ROBO1: variants seen among roughly 807,000 people sequenced by gnomAD.
ROBO1 encodes roundabout homolog 1.
ROBO1 carries 149 observed loss-of-function variants against 195.9 expected under a neutral mutation model. The ratio of observed to expected loss-of-function variants is 0.76; its 90% CI spans 0.67 to 0.87. The LOEUF is 0.87. Among genes scored for constraint, ROBO1 ranks in the 40% least tolerant of loss-of-function variants. The probability of loss-of-function intolerance (pLI) is 0.00; values close to 1 mark genes in which losing one functional copy is unlikely to be tolerated. For missense variants in ROBO1, 1,933 were observed against 2,068.3 expected, an observed-to-expected ratio of 0.93 and a Z score of 1.27; for synonymous variants, 816 against 733.2, an observed-to-expected ratio of 1.11 and a Z score of -1.82.
intron 2 of ROBO1, among the ~76,000 whole-genome samples, chr3:79,302,363 C>T (rs1553716112): frequency 6.6e-6 from 1 of 152,180 alleles, no homozygotes; most frequent in Non-Finnish European, 1.5e-5. Flanking sequence ...TTGGAAATAT[C>T]AGACTATAAC....
chr3:79,012,089 T>A (rs1045258311), intron 3 of ROBO1, among the ~76,000 whole-genome samples: 2 of 152,162 alleles, frequency 1.3e-5, no homozygotes, highest in African/African-American at 4.8e-5. Context: ...ACCAAGAGCA[T>A]CTTGAGAAAG....
At chr3:78,668,404 C>A in intron 12 of ROBO1, 80 bp downstream of exon 12, 1 of 1,575,242 alleles carries the variant, frequency 6.3e-7, no homozygotes, top group Non-Finnish European at 8.7e-7. Flanking sequence ...GGGAAGAGGA[C>A]ATTTACTTCA....
chr3:79,660,411 A>G (rs554710124), intron 1 of ROBO1, among the ~76,000 whole-genome samples: 3 of 152,244 alleles, frequency 2.0e-5, no homozygotes, highest in African/African-American at 7.2e-5. Flanking sequence ...TCAGGGAAGC[A>G]AGGAGTGAAA....
chr3:79,373,440 A>C (rs557110853), intron 2 of ROBO1, among the ~76,000 whole-genome samples: 1 of 152,304 alleles, frequency 6.6e-6, no homozygotes, highest in East Asian at 1.9e-4. Context: ...CCTAATTCTA[A>C]ACAGCTTCAA....
At chr3:79,157,926 T>G (rs562365181) in intron 2 of ROBO1, among the ~76,000 whole-genome samples, 1 of 152,022 alleles carries the variant, frequency 6.6e-6, no homozygotes, top group African/African-American at 2.4e-5. Flanking sequence ...CGCATTTTCT[T>G]TATTTTTATA....
At chr3:78,830,892 TTTTG>T (rs146858260) in intron 4 of ROBO1, among the ~76,000 whole-genome samples, 8,382 of 151,878 alleles carry the variant, frequency 0.055, 644 homozygotes, top group African/African-American at 0.17. Flanking sequence ...TTTTTGTGTT[TTTTG>T]TTTGTTTGTT....
At chr3:79,562,193 T>C (rs1021162162) in intron 2 of ROBO1, among the ~76,000 whole-genome samples, 2 of 152,010 alleles carry the variant, frequency 1.3e-5, no homozygotes, top group Admixed American at 6.6e-5. Flanking sequence ...TCATGCACTA[T>C]TGTTGTAAAG....
chr3:79,455,376 A>G (rs906540881), intron 2 of ROBO1, among the ~76,000 whole-genome samples: 1 of 152,120 alleles, frequency 6.6e-6, no homozygotes, highest in African/African-American at 2.4e-5. Flanking sequence ...TTTATAGGAC[A>G]AGAAATTTGC....
At chr3:79,238,189 T>G (rs566329430) in intron 2 of ROBO1, among the ~76,000 whole-genome samples, 1 of 152,350 alleles carries the variant, frequency 6.6e-6, no homozygotes, top group African/African-American at 2.4e-5. Flanking sequence ...CTTTTGAGTA[T>G]TATCTAATTT....
intron 2 of ROBO1, among the ~76,000 whole-genome samples, chr3:79,368,769 C>A (rs764908636): frequency 1.3e-5 from 2 of 152,042 alleles, no homozygotes; most frequent in African/African-American, 2.4e-5. Context: ...TCCTTAAATC[C>A]GCTTGCACCT....
At chr3:78,939,078 C>T (rs988621858) in intron 3 of ROBO1, among the ~76,000 whole-genome samples, 151 bp from the exon 4 acceptor site, 5 of 152,120 alleles carry the variant, frequency 3.3e-5, no homozygotes, top group Non-Finnish European at 5.9e-5. Flanking sequence ...TTCTGGTGTC[C>T]GCCTTGACTA....
At chr3:78,719,848 G>A (rs1384745184) in intron 5 of ROBO1, among the ~76,000 whole-genome samples, 1 of 152,088 alleles carries the variant, frequency 6.6e-6, no homozygotes, top group Admixed American at 6.6e-5. Flanking sequence ...TCTCATATGT[G>A]CAGTTATTTC....
chr3:78,828,041 T>A (rs941917326), intron 4 of ROBO1, among the ~76,000 whole-genome samples: 10 of 152,356 alleles, frequency 6.6e-5, no homozygotes, highest in Admixed American at 3.9e-4. Context: ...ATTAACATTT[T>A]AATGTATACC....
chr3:78,903,162 ATAAT>A (rs1392632804), intron 4 of ROBO1, among the ~76,000 whole-genome samples: 1 of 152,204 alleles, frequency 6.6e-6, no homozygotes, highest in Non-Finnish European at 1.5e-5. Context: ...GATAAATGAT[ATAAT>A]TAATGTTTGG....
At chr3:78,659,626 T>C (rs890363533) in intron 17 of ROBO1, 60 bp downstream of exon 17, 7 of 1,255,520 alleles carry the variant, frequency 5.6e-6, no homozygotes, top group Non-Finnish European at 7.2e-6. Flanking sequence ...CTGCTTTTTC[T>C]TTATGAATGG....
intron 4 of ROBO1, among the ~76,000 whole-genome samples, chr3:78,756,198 T>C (rs956024431): frequency 1.3e-5 from 2 of 151,906 alleles, no homozygotes; most frequent in African/African-American, 4.8e-5. Flanking sequence ...CAAATTATGG[T>C]AAAAACAAAA....
intron 1 of ROBO1, among the ~76,000 whole-genome samples, chr3:79,696,598 T>A (rs1947456836): frequency 6.6e-6 from 1 of 151,184 alleles, no homozygotes; most frequent in African/African-American, 2.4e-5. Context: ...AAGCTCTAAT[T>A]CAAATTAATA....
At chr3:78,912,299 T>C (rs1489140860) in intron 4 of ROBO1, among the ~76,000 whole-genome samples, 1 of 152,068 alleles carries the variant, frequency 6.6e-6, no homozygotes, top group African/African-American at 2.4e-5. Flanking sequence ...TGTTTTAAAT[T>C]ATACTAATAA....
At chr3:79,303,835 A>G (rs2033097979) in intron 2 of ROBO1, among the ~76,000 whole-genome samples, 1 of 152,146 alleles carries the variant, frequency 6.6e-6, no homozygotes, top group South Asian at 2.1e-4. Flanking sequence ...TAGATTCCAC[A>G]TATTAGTGAG....
Sources: allele counts gnomAD v4.1 joint callset (sites outside exome capture counted in the v4.1 genomes callset), GRCh38; gene constraint gnomAD v4.1.1; transcripts MANE v1.5; gene names NCBI Gene and HGNC (gene_info 2026-07-23, HGNC 2026-07-21).